VPS26A: variants seen among roughly 807,000 people sequenced by gnomAD.
VPS26A encodes VPS26 retromer complex component A.
Under a neutral mutation model 42.4 loss-of-function variants are expected in VPS26A, and 22 were observed. That is an observed-to-expected ratio of 0.52 (90% CI 0.37 to 0.74). The LOEUF is 0.74. Among genes scored for constraint, VPS26A ranks in the 30% least tolerant of loss-of-function variants. VPS26A has a pLI of 0.00. For synonymous variants in VPS26A, 110 were observed against 123.5 expected (o/e 0.89, Z 0.73); for missense variants, 276 against 379.2 (o/e 0.73, Z 2.26).
At chr10:69,135,906 C>G (rs1840897673) in intron 2 of VPS26A, among the ~76,000 whole-genome samples, 1 of 152,130 alleles carries the variant, frequency 6.6e-6, no homozygotes, top group African/African-American at 2.4e-5. Context: ...CATCACACTC[C>G]CATCCCCTCA....
chr10:69,147,608 T>A (rs994241580), intron 2 of VPS26A, among the ~76,000 whole-genome samples: 2 of 152,244 alleles, frequency 1.3e-5, no homozygotes, highest in African/African-American at 4.8e-5. Flanking sequence ...GCAGTCCAAC[T>A]TTATTCTTTT....
rs577645200 is a variant in VPS26A at position 69,124,201 on chromosome 10, A to G, written c.-77A>G. 21 of 1,261,528 alleles carry G rather than the reference A, an allele frequency of 1.7e-5. No homozygotes were observed. Among genetic ancestry groups the G allele is most frequent in the Non-Finnish European group, 2.0e-5 (20 of 996,736 alleles). The allele number at this position is 1,261,528 out of a possible 1,614,324, so 78.1% of individuals were successfully genotyped here. ...CCGAGGTCACGTGACGGAGCGCCGG[A>G]GCGGAGGGAGCCGGGGCTGGGAGTT... is the stretch of plus-strand genomic sequence containing the variant. On this transcript the variant is annotated 5_prime_UTR_variant, in exon 1 of 9. Transcript: ENST00000263559.
intron 2 of VPS26A, among the ~76,000 whole-genome samples, chr10:69,135,948 T>A (rs1429723221): frequency 6.6e-6 from 1 of 152,230 alleles, no homozygotes; most frequent in African/African-American, 2.4e-5. Context: ...TTTATAGTAG[T>A]ACTTTCTTGT....
At chr10:69,143,805 C>G (rs1020578368) in intron 2 of VPS26A, among the ~76,000 whole-genome samples, 3 of 152,088 alleles carry the variant, frequency 2.0e-5, no homozygotes, top group Non-Finnish European at 4.4e-5. Flanking sequence ...TAGCCTTGAC[C>G]TCTCAAGCTC....
intron 1 of VPS26A, among the ~76,000 whole-genome samples, chr10:69,129,956 G>A (rs535482940): frequency 1.3e-5 from 2 of 152,258 alleles, no homozygotes; most frequent in African/African-American, 4.8e-5. Flanking sequence ...ATCACCTTGT[G>A]CCCTACATAG....
At chr10:69,151,418 T>G (rs1190596816) in intron 2 of VPS26A, among the ~76,000 whole-genome samples, 1 of 145,738 alleles carries the variant, frequency 6.9e-6, no homozygotes, top group Non-Finnish European at 1.5e-5. Context: ...CACCAATGCA[T>G]TCCAGCCTGG....
intron 2 of VPS26A, among the ~76,000 whole-genome samples, 172 bp downstream of exon 2, chr10:69,133,219 G>T (rs895258869): frequency 6.6e-6 from 1 of 151,702 alleles, no homozygotes; most frequent in East Asian, 1.9e-4. Flanking sequence ...TCCTGCAAAG[G>T]AAAGATTCTT....
intron 2 of VPS26A, among the ~76,000 whole-genome samples, chr10:69,149,457 A>G (rs1394790579): frequency 6.6e-6 from 1 of 152,184 alleles, no homozygotes; most frequent in Non-Finnish European, 1.5e-5. Context: ...CTAAAGAGAT[A>G]TGTAATCCTG....
In VPS26A at chr10:69,135,435, T is replaced by C. The variant is rs192775238; in HGVS notation, c.153+2388T>C. Among the ~76,000 whole-genome samples, 194 of 152,222 alleles carry C rather than the reference T, an allele frequency of 1.3e-3. 2 individuals are homozygous for C. The highest frequency in any genetic ancestry group is 4.3e-3 in the African/African-American group (180 of 41,530). ...ACTCCAGTGTGTTCTTTAAAAAGAA[T>C]AGTTGGTGTTCAAATTACATTTTGA... On this transcript the variant is annotated intron_variant, in intron 2 of 8. Transcript: ENST00000263559.
chr10:69,129,588 C>T (rs1001365780), intron 1 of VPS26A, among the ~76,000 whole-genome samples: 7 of 151,776 alleles, frequency 4.6e-5, no homozygotes, highest in African/African-American at 1.5e-4. Context: ...CACTCTGTCC[C>T]GAGGGCTGGA....
intron 2 of VPS26A, among the ~76,000 whole-genome samples, chr10:69,137,993 A>T (rs533453204): frequency 1.3e-5 from 2 of 152,250 alleles, no homozygotes; most frequent in African/African-American, 4.8e-5. Context: ...AGAAATTTTT[A>T]AAAATGCTGT....
chr10:69,160,839 G>A (rs933414709), intron 5 of VPS26A, among the ~76,000 whole-genome samples: 5 of 152,166 alleles, frequency 3.3e-5, no homozygotes, highest in African/African-American at 1.2e-4. Context: ...GGATTCCTAA[G>A]TTTATTACCA....
At position 69,153,487 on chromosome 10, in the gene VPS26A, G is replaced by A. The variant is rs185436649; in HGVS notation, c.154-2325G>A. Among the ~76,000 whole-genome samples the A allele has an allele frequency of 6.9e-3, 1,038 of 150,374 alleles. 11 individuals carry two copies. Among genetic ancestry groups the A allele is most frequent in the African/African-American group, 0.024 (983 of 41,066 alleles). ...GTCTCCCTAGTAGCTGGGACTACAG[G>A]CACACACGCCCCAATACCCAGCTAA... On this transcript the variant is annotated intron_variant, in intron 2 of 8. Coordinates refer to ENST00000263559, the MANE Select transcript of VPS26A (RefSeq NM_004896.5).
At chr10:69,168,218 T>C (rs12256584) in intron 7 of VPS26A, among the ~76,000 whole-genome samples, 8,671 of 152,224 alleles carry the variant, frequency 0.057, 290 homozygotes, top group South Asian at 0.13. Flanking sequence ...GGAGATATTT[T>C]TGGCTGTTAC....
chr10:69,131,945 TC>T (rs145753668), intron 1 of VPS26A, among the ~76,000 whole-genome samples: 108,421 of 152,080 alleles, frequency 0.71, 42,381 homozygotes, highest in Non-Finnish European at 0.89. Context: ...AAGCAATTGA[TC>T]TTTGTCCCTT....
intron 6 of VPS26A, among the ~76,000 whole-genome samples, chr10:69,165,528 C>T (rs1018725087): frequency 2.0e-5 from 3 of 151,980 alleles, no homozygotes; most frequent in Admixed American, 6.6e-5. Context: ...TAAAATGTGG[C>T]CAGGTGCGGT....
rs555348343 is a variant in VPS26A, at chr10:69,136,917, G to A, written c.153+3870G>A. ...AGTGATTCTCCTGCCTCAGCCTCCC[G>A]AGTAGCTGGGATTACAGGCACGTGC... On this transcript the variant is annotated intron_variant, in intron 2 of 8. Coordinates refer to ENST00000263559, the MANE Select transcript of VPS26A (RefSeq NM_004896.5). Among the ~76,000 whole-genome samples the A allele has an allele frequency of 2.6e-3, 397 of 151,832 alleles. 1 individual carries two copies. The highest frequency in any genetic ancestry group is 4.3e-3 in the Non-Finnish European group (292 of 67,946).
chr10:69,149,048 G>A (rs1841229612), intron 2 of VPS26A, among the ~76,000 whole-genome samples: 1 of 151,874 alleles, frequency 6.6e-6, no homozygotes, highest in Non-Finnish European at 1.5e-5. Context: ...GAGCCACCGC[G>A]CCCAGCCAAG....
intron 5 of VPS26A, among the ~76,000 whole-genome samples, chr10:69,159,474 A>AAT (rs1409455382): frequency 6.6e-6 from 1 of 152,192 alleles, no homozygotes; most frequent in Non-Finnish European, 1.5e-5. Flanking sequence ...TAGCCATAAA[A>AAT]ACAGCATGCA....
Sources: allele counts gnomAD v4.1 joint callset (sites outside exome capture counted in the v4.1 genomes callset), GRCh38; gene constraint gnomAD v4.1.1; transcripts MANE v1.5; gene names NCBI Gene and HGNC (gene_info 2026-07-23, HGNC 2026-07-21).